The following SEM1 variants were observed in gnomAD, a reference collection of about 807,000 sequenced individuals.
The protein encoded by SEM1 is 26S proteasome complex subunit SEM1.
In SEM1, 3 loss-of-function variants were observed where a neutral mutation model predicts 12.7. That is an observed-to-expected ratio of 0.24 (90% CI 0.11 to 0.61). The LOEUF is 0.61. SEM1 is among the 20% of genes least tolerant of loss of function. SEM1 has a pLI of 0.88. For missense variants in SEM1, 59 were observed against 81.3 expected, an observed-to-expected ratio of 0.73 and a Z score of 1.06; for synonymous variants, 30 against 27.8, an observed-to-expected ratio of 1.08 and a Z score of -0.25.
At chr7:96,522,676 G>A (rs1265481844) in intron 2 of SEM1, among the ~76,000 whole-genome samples, 5 of 150,660 alleles carry the variant, frequency 3.3e-5, no homozygotes, top group South Asian at 2.1e-4. Flanking sequence ...TCGGGAGTTC[G>A]AGACCAGCCT....
At chr7:96,503,159 C>T (rs753590534) in intron 3 of SEM1, among the ~76,000 whole-genome samples, 1 of 152,112 alleles carries the variant, frequency 6.6e-6, no homozygotes, top group Admixed American at 6.6e-5. Context: ...TGGCTATGAT[C>T]AGCTCGGTTG....
intron 2 of SEM1, among the ~76,000 whole-genome samples, chr7:96,531,311 G>A (rs1804633911): frequency 6.6e-6 from 1 of 151,828 alleles, no homozygotes; most frequent in African/African-American, 2.4e-5. Flanking sequence ...GCTCACGCCT[G>A]TAATCCCAGC....
At chr7:96,681,932 G>A (rs1220949701) in intron 2 of SEM1, among the ~76,000 whole-genome samples, 2 of 152,102 alleles carry the variant, frequency 1.3e-5, no homozygotes, top group African/African-American at 4.8e-5. Context: ...AAAGTCAATG[G>A]TAGTTTGATG....
At chr7:96,518,688 C>A (rs1175094738) in intron 2 of SEM1, among the ~76,000 whole-genome samples, 1 of 152,130 alleles carries the variant, frequency 6.6e-6, no homozygotes, top group Non-Finnish European at 1.5e-5. Flanking sequence ...TCAAGTGAAC[C>A]AGTGTCATTA....
intron 2 of SEM1, among the ~76,000 whole-genome samples, chr7:96,528,984 A>C (rs368490127): frequency 2.6e-5 from 4 of 152,162 alleles, no homozygotes; most frequent in East Asian, 1.9e-4. Flanking sequence ...TCAAAAACTT[A>C]AGCAACACAA....
intron 2 of SEM1, among the ~76,000 whole-genome samples, chr7:96,522,560 C>G (rs1455936598): frequency 6.9e-6 from 1 of 145,044 alleles, no homozygotes; most frequent in Non-Finnish European, 1.5e-5. Flanking sequence ...CAGCACAGTG[C>G]TTTGTGAGAA....
intron 2 of SEM1, among the ~76,000 whole-genome samples, chr7:96,577,926 C>T (rs1432567337): frequency 6.6e-6 from 1 of 150,912 alleles, no homozygotes; most frequent in Non-Finnish European, 1.5e-5. Context: ...TTACTATATG[C>T]AGGATATAAA....
At chr7:96,483,969 C>A in exon 4 of SEM1, 1 of 1,528,872 alleles carries the variant, frequency 6.5e-7, no homozygotes, top group Non-Finnish European at 8.7e-7. Flanking sequence ...CTCAGTGGAG[C>A]AGTGGAAAGA....
intron 1 of SEM1, among the ~76,000 whole-genome samples, chr7:96,494,354 A>G (rs1803151392): frequency 6.6e-6 from 1 of 152,208 alleles, no homozygotes; most frequent in Non-Finnish European, 1.5e-5. Context: ...GAAACACAGC[A>G]TTCTAAGAAA....
intron 2 of SEM1, among the ~76,000 whole-genome samples, chr7:96,522,991 G>T (rs1804334875): frequency 6.6e-6 from 1 of 150,544 alleles, no homozygotes; most frequent in African/African-American, 2.4e-5. Context: ...TATCCTCTAT[G>T]TTGCCAATAG....
intron 2 of SEM1, 101 bp from the exon 3 acceptor site, chr7:96,689,067 C>T: frequency 1.5e-6 from 1 of 661,992 alleles, no homozygotes; most frequent in East Asian, 3.0e-5. Flanking sequence ...ATGCCTGAGA[C>T]ATCAATTTAC....
chr7:96,565,639 GT>G (rs1805822912), intron 2 of SEM1, among the ~76,000 whole-genome samples: 1 of 151,770 alleles, frequency 6.6e-6, no homozygotes, highest in Non-Finnish European at 1.5e-5. Flanking sequence ...TGAAGCTTGA[GT>G]AATGATTACA....
chr7:96,663,808 A>G (rs2116537759), intron 2 of SEM1, among the ~76,000 whole-genome samples: 1 of 152,258 alleles, frequency 6.6e-6, no homozygotes, highest in East Asian at 1.9e-4. Flanking sequence ...AGAAAAAAAT[A>G]TAAAAGTCAA....
intron 2 of SEM1, among the ~76,000 whole-genome samples, chr7:96,614,208 AT>A (rs1807633792): frequency 6.6e-6 from 1 of 152,088 alleles, no homozygotes; most frequent in African/African-American, 2.4e-5. Context: ...CATTGTTTAC[AT>A]TTTGCCATGT....
chr7:96,688,206 C>T (rs996644684), downstream of SEM1: 5 of 152,130 alleles, frequency 3.3e-5, no homozygotes, highest in African/African-American at 1.2e-4. Context: ...TCTGTGAAAA[C>T]TCAGTTGTAC....
intron 2 of SEM1, among the ~76,000 whole-genome samples, chr7:96,627,812 T>C (rs1808120875): frequency 6.6e-6 from 1 of 152,076 alleles, no homozygotes; most frequent in Non-Finnish European, 1.5e-5. Flanking sequence ...TTAAGTCCAA[T>C]GTTTCTTTGT....
intron 2 of SEM1, among the ~76,000 whole-genome samples, chr7:96,555,112 C>A (rs1256817218): frequency 2.0e-4 from 30 of 150,940 alleles, no homozygotes; most frequent in Non-Finnish European, 2.8e-4. Flanking sequence ...GTCTTGCTAG[C>A]GATCTATCAA....
chr7:96,619,494 G>A (rs970948529), downstream of SEM1, among the ~76,000 whole-genome samples: 2 of 152,096 alleles, frequency 1.3e-5, no homozygotes, highest in Non-Finnish European at 2.9e-5. Context: ...GCAGCGGGGT[G>A]AGTGTGCCTG....
At chr7:96,537,911 T>G (rs975723179) in intron 2 of SEM1, among the ~76,000 whole-genome samples, 3 of 151,834 alleles carry the variant, frequency 2.0e-5, no homozygotes, top group Non-Finnish European at 4.4e-5. Flanking sequence ...GTATTCCAAT[T>G]ATGGAGATAT....
Sources: allele counts gnomAD v4.1 joint callset (sites outside exome capture counted in the v4.1 genomes callset), GRCh38; gene constraint gnomAD v4.1.1; transcripts MANE v1.5; gene names NCBI Gene and HGNC (gene_info 2026-07-23, HGNC 2026-07-21).